The following PRKCZ variants were observed in gnomAD, a reference collection of about 807,000 sequenced individuals.
The protein encoded by PRKCZ is protein kinase C zeta type.
PRKCZ carries 33 observed loss-of-function variants against 79.5 expected under a neutral mutation model. That is an observed-to-expected ratio of 0.41 (90% CI 0.31 to 0.55). The LOEUF (loss-of-function observed/expected upper bound fraction) is 0.55, where lower values mean the gene tolerates loss of function less well. Among genes scored for constraint, PRKCZ ranks in the 20% least tolerant of loss-of-function variants. PRKCZ has a pLI of 0.19. For missense variants in PRKCZ, 578 were observed against 813.5 expected (o/e 0.71, Z 3.52); for synonymous variants, 342 against 320.9 (o/e 1.07, Z -0.70).
Position 2,172,997 on chromosome 1 carries a change from G to C in PRKCZ, c.1285+609G>C, listed in dbSNP as rs563533915. ...GTGTGAAACGGGGACGTGGGCACGCGTGTGCAGCCCTGTGTGCGTGTGTGC... is the reference window on the plus strand; with the variant it reads ...GTGTGAAACGGGGACGTGGGCACGCCTGTGCAGCCCTGTGTGCGTGTGTGC... On this transcript the variant is annotated intron_variant, in intron 13 of 17. Coordinates refer to ENST00000378567, the MANE Select transcript of PRKCZ (RefSeq NM_002744.6). This position sits in a 1 kb window ranked among gnomAD's most constrained non-coding sequence, Gnocchi z 7.8. Among the ~76,000 whole-genome samples the C allele has an allele frequency of 6.6e-6, 1 of 152,204 alleles. No homozygotes were observed. Among genetic ancestry groups the C allele is most frequent in the Non-Finnish European group, 1.5e-5 (1 of 68,022 alleles).
intron 1 of PRKCZ, among the ~76,000 whole-genome samples, chr1:2,054,311 T>C (rs369914691): frequency 2.6e-5 from 4 of 152,214 alleles, no homozygotes; most frequent in African/African-American, 9.6e-5. Flanking sequence ...GAAAATTCAG[T>C]GTGTTCACAA....
intron 9 of PRKCZ, among the ~76,000 whole-genome samples, chr1:2,155,150 GTGA>G (rs1680695611): frequency 1.3e-5 from 2 of 152,238 alleles, no homozygotes; most frequent in African/African-American, 2.4e-5. Flanking sequence ...GGTGATGATG[GTGA>G]TGATGGTGAG....
At chr1:2,073,244 CCCCAGTG>C in intron 4 of PRKCZ, among the ~76,000 whole-genome samples, 1 of 152,260 alleles carries the variant, frequency 6.6e-6, no homozygotes, top group East Asian at 1.9e-4. Context: ...TGTTCCTGCC[CCCCAGTG>C]CCCACCGTCC....
intron 10 of PRKCZ, among the ~76,000 whole-genome samples, chr1:2,166,067 C>CTTTGGTTG (rs1001994477): frequency 1.5e-4 from 23 of 152,162 alleles, no homozygotes; most frequent in Admixed American, 5.9e-4. Context: ...TGCACTTTGT[C>CTTTGGTTG]TTTGGTTGTT....
chr1:2,133,668 C>A (rs143867911), intron 4 of PRKCZ: 5 of 153,102 alleles, frequency 3.3e-5, no homozygotes, highest in Admixed American at 6.5e-5. Context: ...CCCGGCTGCG[C>A]GTCTGTCCCT....
At chr1:2,141,609 G>A (rs1017680632) in intron 5 of PRKCZ, 2 of 153,520 alleles carry the variant, frequency 1.3e-5, no homozygotes, top group African/African-American at 4.8e-5. Flanking sequence ...GCCTCCCAAA[G>A]TGCTGGGATT....
chr1:2,144,239 G>A lies in PRKCZ; in HGVS notation c.450G>A (p.Arg150=), dbSNP rs1678017219. Residue 150 remains arginine (R), a synonymous_variant, in exon 6 of 18, where the codon AGG becomes AGA. Transcript: ENST00000378567. The part of the protein sequence containing the change: ...RRAYCGQCSE[R]IWGLARQGYR... ...CGTACTGCGGTCAGTGCAGCGAGAG[G>A]ATATGGGGCCTCGCGAGGCAAGGCT... is the stretch of plus-strand genomic sequence containing the variant. 7 of 1,553,658 alleles carry A rather than the reference G, an allele frequency of 4.5e-6. No individual in the cohort carries two copies. The East Asian group carries it at 7.3e-5, about 16-fold the overall frequency.
At chr1:2,057,467 C>T (rs932928869) in intron 3 of PRKCZ, among the ~76,000 whole-genome samples, 2 of 152,208 alleles carry the variant, frequency 1.3e-5, no homozygotes, top group Admixed American at 1.3e-4. Context: ...GACCAAAGCT[C>T]GAAACCACCC....
chr1:2,131,018 C>T (rs1195866116), intron 4 of PRKCZ, among the ~76,000 whole-genome samples: 3 of 152,306 alleles, frequency 2.0e-5, no homozygotes, highest in South Asian at 4.1e-4. Context: ...GCACACTTGG[C>T]CTTCCCAGAA....
At position 2,059,526 on chromosome 1, in the gene PRKCZ, C is replaced by T; in HGVS notation, c.284-15C>T. The T allele has an allele frequency of 6.2e-7, 1 of 1,613,980 alleles. No homozygotes were observed. The highest frequency in any genetic ancestry group is 8.5e-7 in the Non-Finnish European group (1 of 1,179,972). On this transcript the variant is annotated splice_polypyrimidine_tract_variant and intron_variant, in intron 3 of 17. Coordinates refer to ENST00000378567, the MANE Select transcript of PRKCZ (RefSeq NM_002744.6). ...CGCAGGGTCTTGACGCTGTCTCTTT[C>T]TCTCTCTTGTCCAGTTTTCCCGAGC... is the stretch of plus-strand genomic sequence containing the variant.
In PRKCZ at chr1:2,094,541, G is replaced by A. The variant is rs1367615917; in HGVS notation, c.334+34950G>A. The stretch of plus-strand genomic sequence containing the variant: ...CCTTGGGCGCTGCCCGTTCTGAGGC[G>A]CCCTCTGTGCCCGGCTCGATGAACC... On this transcript the variant is annotated intron_variant, in intron 4 of 17. Transcript: ENST00000378567. This position sits in a 1 kb window ranked among gnomAD's most constrained non-coding sequence, Gnocchi z 7.3. Among the ~76,000 whole-genome samples, 4 of 132,036 alleles carry A rather than the reference G, an allele frequency of 3.0e-5. No homozygotes were observed. Among genetic ancestry groups the A allele is most frequent in the Non-Finnish European group, 4.7e-5 (3 of 63,546 alleles). 86.6% of individuals were successfully genotyped at this position (132,036 alleles called of 152,430 possible). A position where few individuals can be genotyped will look rare whatever the true frequency, so the allele number is the denominator to read the frequency against.
rs577892077 is a variant in PRKCZ at position 2,088,602 on chromosome 1, C to T, written c.334+29011C>T. On this transcript the variant is annotated intron_variant, in intron 4 of 17. Transcript: ENST00000378567. ...AGCCCGGGCTCCAGGATGAGCCCAG[C>T]AGAGTCTTCCCGTAGACACCATCAT... 3.9e-5 allele frequency among the ~76,000 whole-genome samples: 6 copies of T among 152,338 alleles called. No homozygotes were observed. The South Asian group carries it at 1.2e-3, about 32-fold the overall frequency.
intron 3 of PRKCZ, among the ~76,000 whole-genome samples, chr1:2,057,119 C>G (rs1029726825): frequency 6.6e-6 from 1 of 152,204 alleles, no homozygotes; most frequent in Non-Finnish European, 1.5e-5. Context: ...GCGTAGGGCC[C>G]GCGGCGCATG....
intron 5 of PRKCZ, among the ~76,000 whole-genome samples, chr1:2,136,330 G>A (rs1239148746): frequency 2.0e-5 from 3 of 152,234 alleles, no homozygotes; most frequent in Non-Finnish European, 4.4e-5. Flanking sequence ...TAACACAGGT[G>A]AGGATGCAGG....
intron 10 of PRKCZ, chr1:2,156,306 A>T (rs1681035523): frequency 2.1e-6 from 1 of 474,306 alleles, no homozygotes; most frequent in African/African-American, 2.0e-5. Flanking sequence ...TCCATTTACG[A>T]AATACTTACT....
chr1:2,064,825 G>C (rs1168018975), intron 4 of PRKCZ, among the ~76,000 whole-genome samples: 1 of 152,206 alleles, frequency 6.6e-6, no homozygotes, highest in Non-Finnish European at 1.5e-5. Context: ...TTTCAAGATT[G>C]TTTTGGGGTC....
At chr1:2,066,347 G>A (rs896633983) in intron 4 of PRKCZ, among the ~76,000 whole-genome samples, 1 of 151,576 alleles carries the variant, frequency 6.6e-6, no homozygotes, top group African/African-American at 2.4e-5. Context: ...TTGTTGGGAG[G>A]TTCTCTTTCT....
chr1:2,063,734 T>G (rs79468860), intron 4 of PRKCZ, among the ~76,000 whole-genome samples: 23,966 of 152,224 alleles, frequency 0.16, 2,170 homozygotes, highest in East Asian at 0.25. Context: ...TCGTTTTCTG[T>G]TTTTTGACAG....
chr1:2,172,519 G>A lies in PRKCZ; in HGVS notation c.1285+131G>A, dbSNP rs1684630393. 7 of 1,050,232 alleles carry A rather than the reference G, an allele frequency of 6.7e-6. No homozygotes were observed. The highest frequency in any genetic ancestry group is 8.1e-6 in the Non-Finnish European group (6 of 744,880). 65.1% of individuals were successfully genotyped at this position (1,050,232 alleles called of 1,614,324 possible). A position where few individuals can be genotyped will look rare whatever the true frequency, so the allele number is the denominator to read the frequency against. Reference sequence around the variant, plus strand: ...AAGCCACACACTGTCTTTCCCAGCCGGATGTCATCATCTGGCCTCAGCCCC... The same window carrying A: ...AAGCCACACACTGTCTTTCCCAGCCAGATGTCATCATCTGGCCTCAGCCCC... On this transcript the variant is annotated intron_variant, in intron 13 of 17. Coordinates refer to ENST00000378567, the MANE Select transcript of PRKCZ (RefSeq NM_002744.6). The surrounding 1 kb of genome is among the most constrained non-coding windows in gnomAD (Gnocchi z 7.8).
Sources: allele counts gnomAD v4.1 joint callset (sites outside exome capture counted in the v4.1 genomes callset), GRCh38; gene constraint gnomAD v4.1.1; non-coding constraint Gnocchi (gnomAD v3.1); transcripts MANE v1.5; gene names NCBI Gene and HGNC (gene_info 2026-07-23, HGNC 2026-07-21).